Variants in LOC400499 observed in about 807,000 individuals in gnomAD.
At chr16:11,520,137 A>T in the LOC400499 span, among the ~76,000 whole-genome samples, 2 of 152,214 alleles carry the variant, frequency 1.3e-5, no homozygotes, top group African/African-American at 4.8e-5. Flanking sequence ...TCTGTTTAGG[A>T]TGATGAAAAA....
At chr16:11,488,490 A>T in the LOC400499 span, among the ~76,000 whole-genome samples, 2,820 of 152,114 alleles carry the variant, frequency 0.019, 83 homozygotes, top group African/African-American at 0.064. Flanking sequence ...TGCAATCATG[A>T]CTCACTGCAG....
the LOC400499 span, among the ~76,000 whole-genome samples, chr16:11,395,682 G>A: frequency 1.3e-5 from 2 of 152,234 alleles, no homozygotes; most frequent in South Asian, 2.1e-4. Flanking sequence ...CATTCTGCAA[G>A]GGAGATGGTA....
the LOC400499 span, chr16:11,457,144 C>CACT: frequency 2.7e-6 from 3 of 1,098,136 alleles, no homozygotes; most frequent in Non-Finnish European, 3.8e-6. Context: ...TGCACTACTG[C>CACT]ACTCCACACG....
the LOC400499 span, among the ~76,000 whole-genome samples, chr16:11,490,981 A>T: frequency 6.6e-6 from 1 of 152,354 alleles, no homozygotes; most frequent in South Asian, 2.1e-4. Flanking sequence ...TGATAACAAC[A>T]TTAAAAGCAA....
the LOC400499 span, among the ~76,000 whole-genome samples, chr16:11,426,119 A>G: frequency 1.3e-5 from 2 of 152,224 alleles, no homozygotes; most frequent in African/African-American, 4.8e-5. Context: ...AAGGCATTTG[A>G]CTATATTCAA....
chr16:11,500,865 G>A, the LOC400499 span: 6 of 398,984 alleles, frequency 1.5e-5, no homozygotes, highest in African/African-American at 6.2e-5. Flanking sequence ...TGAGAGCCAC[G>A]CCTCCACCTC....
chr16:11,398,445 G>A, the LOC400499 span: 13 of 1,232,158 alleles, frequency 1.1e-5, no homozygotes, highest in Non-Finnish European at 1.3e-5. Context: ...GGTACAAGAG[G>A]CCCCGAGGAC....
chr16:11,506,426 T>C, the LOC400499 span, among the ~76,000 whole-genome samples: 1 of 152,342 alleles, frequency 6.6e-6, no homozygotes, highest in East Asian at 1.9e-4. Context: ...AGTCCTGTTC[T>C]GCCACTGTCT....
At chr16:11,424,316 C>T in the LOC400499 span, 1 of 399,678 alleles carries the variant, frequency 2.5e-6, no homozygotes, top group Non-Finnish European at 4.4e-6. Context: ...GGGTGAGAGA[C>T]AGGAGCATCC....
At chr16:11,412,709 G>A in the LOC400499 span, 1 of 396,224 alleles carries the variant, frequency 2.5e-6, no homozygotes, top group African/African-American at 2.1e-5. Context: ...GCCTCTCTGA[G>A]CCTCCCTGCC....
chr16:11,498,983 A>C, the LOC400499 span, among the ~76,000 whole-genome samples: 2 of 140,052 alleles, frequency 1.4e-5, no homozygotes, highest in African/African-American at 2.7e-5. Flanking sequence ...GAAATGAGGA[A>C]GTCCAGATGG....
the LOC400499 span, chr16:11,384,779 G>C: frequency 1.0e-6 from 1 of 1,001,320 alleles, no homozygotes; most frequent in Non-Finnish European, 1.3e-6. Context: ...GACGAGGCCG[G>C]CAGAGGCTCT....
chr16:11,402,278 C>A, the LOC400499 span: 2 of 397,974 alleles, frequency 5.0e-6, no homozygotes, highest in Admixed American at 4.4e-5. Context: ...AATGGCCACT[C>A]GGGGGCCACA....
chr16:11,396,419 C>G, the LOC400499 span: 1 of 1,180,484 alleles, frequency 8.5e-7, no homozygotes, highest in Non-Finnish European at 1.1e-6. Flanking sequence ...GCGGGGCCGC[C>G]CAGGCAGTTG....
At chr16:11,447,880 C>T in the LOC400499 span, 1 of 1,499,742 alleles carries the variant, frequency 6.7e-7, no homozygotes, top group African/African-American at 1.4e-5. Context: ...ATGCTCCGTG[C>T]TAGAGAAGGG....
At chr16:11,512,310 A>G in the LOC400499 span, among the ~76,000 whole-genome samples, 2 of 150,774 alleles carry the variant, frequency 1.3e-5, no homozygotes, top group Non-Finnish European at 3.0e-5. Flanking sequence ...AATAATAATA[A>G]TAAAGGGGCC....
the LOC400499 span, chr16:11,372,598 G>T: frequency 3.5e-6 from 1 of 284,712 alleles, no homozygotes; most frequent in Non-Finnish European, 5.3e-6. Context: ...CAGCACGTGC[G>T]GTTCTGAGTT....
chr16:11,403,533 G>A, the LOC400499 span, among the ~76,000 whole-genome samples: 1 of 152,130 alleles, frequency 6.6e-6, no homozygotes, highest in Non-Finnish European at 1.5e-5. Context: ...GGCTTGCTGG[G>A]GACCTGCTCA....
At chr16:11,523,460 C>T in the LOC400499 span, 679 of 398,700 alleles carry the variant, frequency 1.7e-3, 4 homozygotes, top group African/African-American at 0.013. Context: ...GCCCCACCTG[C>T]GAATCTGGAA....
Sources: gnomAD v4.1 joint callset for allele counts (sites outside exome capture counted in the v4.1 genomes callset) on GRCh38, gnomAD v4.1.1 for gene constraint, MANE v1.5 for transcripts.